Variants in DIDO1 observed in about 807,000 individuals in gnomAD.
The protein encoded by DIDO1 is death-inducer obliterator 1.
DIDO1 carries 16 observed loss-of-function variants against 99.4 expected under a neutral mutation model. The ratio of observed to expected loss-of-function variants is 0.16; its 90% CI spans 0.11 to 0.24. The LOEUF (loss-of-function observed/expected upper bound fraction) is 0.24. DIDO1 is among the 10% of genes least tolerant of loss of function. DIDO1 has a pLI of 1.00. For synonymous variants in DIDO1, 1,366 were observed against 1,239.1 expected, an observed-to-expected ratio of 1.10 and a Z score of -2.15; for missense variants, 2,996 against 3,014.0, an observed-to-expected ratio of 0.99 and a Z score of 0.14.
chr20:62,909,517 G>A lies in DIDO1; in HGVS notation c.1161+182C>T, dbSNP rs535237686. 9.2e-5 allele frequency among the ~76,000 whole-genome samples: 14 copies of A among 152,360 alleles called. No homozygotes were observed. The East Asian group carries it at 2.7e-3, about 29-fold the overall frequency. ...AACAATTAAGTCATTAATAGTAGAG[G>A]AGGTAGACAGGGTAAGAATAAAAAT... On this transcript the variant is annotated intron_variant, in intron 4 of 15. Coordinates refer to ENST00000395343, the MANE Select transcript of DIDO1 (RefSeq NM_001193369.2).
At position 62,880,132 on chromosome 20, in the gene DIDO1, G is replaced by A. The variant is rs748578416; in HGVS notation, c.5824C>T (p.Pro1942Ser). 1.4e-4 allele frequency: 230 copies of A among 1,612,438 alleles called. No individual in the cohort carries two copies. The highest frequency in any genetic ancestry group is 1.9e-4 in the Non-Finnish European group (219 of 1,179,972). The change falls in exon 16 of 16, where the codon CCC becomes TCC. Residue 1942 changes from proline to serine, a missense_variant. Coordinates refer to ENST00000395343, the MANE Select transcript of DIDO1 (RefSeq NM_001193369.2). ...SQFETARGPH[P>S]NQFEGPRGQA... ...CCTCTGGGTCCTTCAAACTGGTTGGGATGAGGGCCCCGGGCAGTTTCAAAC... is the reference window on the plus strand; with the variant it reads ...CCTCTGGGTCCTTCAAACTGGTTGGAATGAGGGCCCCGGGCAGTTTCAAAC...
intron 1 of DIDO1, among the ~76,000 whole-genome samples, chr20:62,936,666 C>A (rs2065388900): frequency 1.3e-5 from 2 of 152,072 alleles, no homozygotes; most frequent in South Asian, 4.1e-4. Flanking sequence ...GACACTGAGA[C>A]CAGCCTGACC....
intron 1 of DIDO1, among the ~76,000 whole-genome samples, chr20:62,932,164 C>T (rs2065338206): frequency 6.6e-6 from 1 of 152,134 alleles, no homozygotes; most frequent in Non-Finnish European, 1.5e-5. Context: ...TGTGAGCCAC[C>T]CTGCCTCTTT....
At chr20:62,918,312 C>T (rs576873394) in intron 1 of DIDO1, among the ~76,000 whole-genome samples, 277 of 152,338 alleles carry the variant, frequency 1.8e-3, no homozygotes, top group Non-Finnish European at 2.8e-3. Context: ...GTGCCCACTT[C>T]CAGGTTGTGG....
intron 6 of DIDO1, 74 bp from the exon 7 acceptor site, chr20:62,897,070 C>T: frequency 7.1e-7 from 1 of 1,416,794 alleles, no homozygotes; most frequent in Admixed American, 2.5e-5. Flanking sequence ...AAAAAGCAGA[C>T]TTACCCTTAA....
At position 62,894,147 on chromosome 20, in the gene DIDO1, A is replaced by C. The variant is rs1362096252; in HGVS notation, c.2620T>G (p.Leu874Val). The C allele has an allele frequency of 1.9e-6, 3 of 1,613,908 alleles. No homozygotes were observed. In the South Asian group the frequency reaches 3.3e-5, roughly 18 times the overall value. Residue 874 changes from leucine (L) to valine (V), a missense_variant, in exon 12 of 16, where the codon TTG (leucine) becomes GTG (valine). By Grantham distance (32) the Leu-to-Val change is conservative. Around this residue, in one of 5 missense-constraint regions of DIDO1, gnomAD observed 898 missense variants for 972.7 expected, o/e 0.92. Coordinates refer to ENST00000395343, the MANE Select transcript of DIDO1 (RefSeq NM_001193369.2). This position sits in a 1 kb window ranked among gnomAD's most constrained non-coding sequence, Gnocchi z 4.4. ...TCTTCTTTCTTAACAGAAGCTGACA[A>C]TTTTTGTTTTTTCGGAGCTGGCTCA... ...EDEPAPKKQK[L>V]SASVKKEDLK... is the part of the protein sequence containing the mutation.
At chr20:62,899,467 A>G (rs73918861) in intron 6 of DIDO1, among the ~76,000 whole-genome samples, 5,916 of 152,110 alleles carry the variant, frequency 0.039, 363 homozygotes, top group African/African-American at 0.13. Context: ...CCATGGCCAC[A>G]CTCAGATTTC....
intron 1 of DIDO1, among the ~76,000 whole-genome samples, chr20:62,917,455 A>G (rs1463779306): frequency 6.6e-6 from 1 of 152,206 alleles, no homozygotes; most frequent in Non-Finnish European, 1.5e-5. Flanking sequence ...ATCCTTAGCA[A>G]CAAATACTGT....
chr20:62,907,104 C>T, intron 5 of DIDO1, 43 bp downstream of exon 5: 2 of 1,601,994 alleles, frequency 1.2e-6, no homozygotes, highest in South Asian at 2.2e-5. Context: ...CGCTCTCACG[C>T]CTGTGCGTCC....
intron 12 of DIDO1, 104 bp from the exon 13 acceptor site, chr20:62,893,066 A>G: frequency 7.7e-7 from 1 of 1,293,630 alleles, no homozygotes; most frequent in South Asian, 1.5e-5. Flanking sequence ...TCATTCTGTC[A>G]TGCAGGCTGG....
exon 1 of DIDO1, chr20:62,937,829 C>T (rs989900179): frequency 5.0e-6 from 2 of 398,502 alleles, no homozygotes; most frequent in East Asian, 3.6e-5. Flanking sequence ...CGTCGCCATC[C>T]CGGTTCCAGA....
In DIDO1 at chr20:62,879,267, C is replaced by T. The variant is rs1331067848; in HGVS notation, c.6689G>A (p.Arg2230Lys). The T allele has an allele frequency of 6.4e-7, 1 of 1,568,060 alleles. No homozygotes were observed. Among genetic ancestry groups the T allele is most frequent in the African/African-American group, 1.4e-5 (1 of 73,294 alleles). The change falls in exon 16 of 16, where the codon AGG becomes AAG. Residue 2230 changes from arginine to lysine, a missense_variant. Physicochemically the swap from Arg to Lys is conservative, Grantham distance 26. Coordinates refer to ENST00000395343, the MANE Select transcript of DIDO1 (RefSeq NM_001193369.2). This position sits in a 1 kb window ranked among gnomAD's most constrained non-coding sequence, Gnocchi z 6.3. ...CGAGGCGGTGCCAGCGTCGGAGGCC[C>T]TCGAGGCCTCGGGCTTCGGGTCCCG... is the stretch of plus-strand genomic sequence containing the variant. ...SARDPKPEAS[R>K]ASDAGTASQA
At chr20:62,891,947 A>C in intron 14 of DIDO1, 40 bp downstream of exon 14, 1 of 1,559,608 alleles carries the variant, frequency 6.4e-7, no homozygotes. Flanking sequence ...AAATCAACAC[A>C]ATTTTCCATG....
intron 1 of DIDO1, among the ~76,000 whole-genome samples, chr20:62,935,348 C>T (rs1350395245): frequency 6.6e-6 from 1 of 152,092 alleles, no homozygotes; most frequent in Non-Finnish European, 1.5e-5. Context: ...ATTTATGGAG[C>T]TCCTATTACG....
intron 6 of DIDO1, among the ~76,000 whole-genome samples, chr20:62,898,143 G>A (rs142344621): frequency 5.9e-5 from 9 of 152,268 alleles, no homozygotes; most frequent in East Asian, 1.9e-4. Flanking sequence ...AAATCAAACC[G>A]CACTCCTCCC....
chr20:62,914,124 T>C (rs1252892770), intron 2 of DIDO1, 86 bp downstream of exon 2: 1 of 152,214 alleles, frequency 6.6e-6, no homozygotes, highest in African/African-American at 2.4e-5. Flanking sequence ...CTACTATCAG[T>C]TTCTTTACAA....
At chr20:62,890,625 C>T in intron 15 of DIDO1, 4 of 1,188,232 alleles carry the variant, frequency 3.4e-6, no homozygotes, top group Non-Finnish European at 4.2e-6. Context: ...AAGAGCAGGG[C>T]CGCTGGGAGT....
chr20:62,900,555 G>A (rs2064647220), intron 6 of DIDO1, among the ~76,000 whole-genome samples: 1 of 152,212 alleles, frequency 6.6e-6, no homozygotes, highest in Non-Finnish European at 1.5e-5. Flanking sequence ...GCAGGACAGG[G>A]ATTAAAATAT....
chr20:62,922,889 T>C (rs556747962), intron 1 of DIDO1, among the ~76,000 whole-genome samples: 2 of 152,160 alleles, frequency 1.3e-5, no homozygotes, highest in South Asian at 4.1e-4. Flanking sequence ...AGAAATTAAG[T>C]AGGAAGTACA....
Sources: gnomAD v4.1 joint callset for allele counts (sites outside exome capture counted in the v4.1 genomes callset) on GRCh38, gnomAD v4.1.1 for gene constraint, gnomAD v4.1.1 regional missense constraint, Gnocchi (gnomAD v3.1) non-coding constraint, MANE v1.5 for transcripts, NCBI Gene and HGNC (gene_info 2026-07-23, HGNC 2026-07-21) for gene names.